Variants in MAF observed in about 807,000 individuals in gnomAD.
MAF encodes the protein MAF bZIP transcription factor, also known as transcription factor Maf.
MAF carries 10 observed loss-of-function variants against 22.0 expected under a neutral mutation model. The observed-to-expected ratio is 0.45, with a 90% confidence interval of 0.28 to 0.77. The LOEUF is 0.77. Ranked by LOEUF, MAF falls within the 30% of genes least tolerant of loss-of-function variation. The pLI, the probability that MAF is intolerant of heterozygous loss-of-function variation, is 0.12. For missense variants in MAF, 544 were observed against 548.4 expected, an observed-to-expected ratio of 0.99 and a Z score of 0.08; for synonymous variants, 337 against 255.8, an observed-to-expected ratio of 1.32 and a Z score of -3.03.
chr16:79,498,378 A>T, the MAF span, among the ~76,000 whole-genome samples: 4 of 152,334 alleles, frequency 2.6e-5, no homozygotes, highest in African/African-American at 9.6e-5. Context: ...TTTAAATTTC[A>T]TATAATCTGT....
the MAF span, among the ~76,000 whole-genome samples, chr16:79,222,943 A>T: frequency 2.4e-4 from 36 of 152,342 alleles, no homozygotes; most frequent in Non-Finnish European, 4.6e-4. Context: ...CTCCACTGTC[A>T]ATATTAGACA....
chr16:79,525,993 TGACA>T, the MAF span, among the ~76,000 whole-genome samples: 1 of 152,222 alleles, frequency 6.6e-6, no homozygotes, highest in African/African-American at 2.4e-5. Context: ...ACCTTCTGTA[TGACA>T]GACAGTAAGT....
chr16:79,493,180 TTTTTTTG>T, the MAF span, among the ~76,000 whole-genome samples: 1 of 151,792 alleles, frequency 6.6e-6, no homozygotes, highest in Non-Finnish European at 1.5e-5. Flanking sequence ...TTTTTGTTTG[TTTTTTTG>T]TTTTTGTTTT....
the MAF span, among the ~76,000 whole-genome samples, chr16:79,542,724 G>C: frequency 6.6e-6 from 1 of 152,100 alleles, no homozygotes; most frequent in East Asian, 1.9e-4. Flanking sequence ...ACTGGGAGGG[G>C]TTAGCTTCCT....
chr16:79,594,067 T>G lies in MAF; in HGVS notation c.*393A>C. 4.2e-6 allele frequency: 1 copy of G among 236,266 alleles called. No individual in the cohort carries two copies. Among genetic ancestry groups the G allele is most frequent in the South Asian group, 1.2e-4 (1 of 8,232 alleles). 14.6% of individuals were successfully genotyped at this position (236,266 alleles called of 1,614,324 possible). A position where few individuals can be genotyped will look rare whatever the true frequency, so the allele number is the denominator to read the frequency against. Reference sequence around the variant, plus strand: ...TATCTGCCAGAGAAACAATGAAGCATGAAAAAGTACTATTTAGAATGTGCA... The same window carrying G: ...TATCTGCCAGAGAAACAATGAAGCAGGAAAAAGTACTATTTAGAATGTGCA... On this transcript the variant is annotated 3_prime_UTR_variant, in exon 2 of 2. Coordinates refer to ENST00000326043, the MANE Select transcript of MAF (RefSeq NM_005360.5).
the MAF span, among the ~76,000 whole-genome samples, chr16:79,215,934 G>C: frequency 4.9e-4 from 75 of 152,188 alleles, no homozygotes; most frequent in Admixed American, 4.3e-3. Context: ...ATTTCTCCCT[G>C]AACCCACTCA....
the MAF span, among the ~76,000 whole-genome samples, chr16:79,377,471 G>A: frequency 6.6e-6 from 1 of 152,180 alleles, no homozygotes; most frequent in Non-Finnish European, 1.5e-5. Flanking sequence ...CTCCCATTCT[G>A]TAGGTTGCCT....
chr16:79,262,582 A>C, the MAF span, among the ~76,000 whole-genome samples: 1 of 152,132 alleles, frequency 6.6e-6, no homozygotes, highest in African/African-American at 2.4e-5. Flanking sequence ...AGGTGTGACA[A>C]TGGCAATTTG....
At chr16:79,439,243 G>A in the MAF span, among the ~76,000 whole-genome samples, 4 of 151,556 alleles carry the variant, frequency 2.6e-5, no homozygotes, top group African/African-American at 9.7e-5. Flanking sequence ...ATCGTCCTAT[G>A]GGGTAGGTAC....
chr16:79,398,535 T>C, the MAF span, among the ~76,000 whole-genome samples: 2 of 152,100 alleles, frequency 1.3e-5, no homozygotes, highest in East Asian at 3.9e-4. Context: ...CCAGGACTCA[T>C]GGAACCAGGT....
At chr16:79,400,981 G>A in the MAF span, among the ~76,000 whole-genome samples, 1 of 152,210 alleles carries the variant, frequency 6.6e-6, no homozygotes, top group Non-Finnish European at 1.5e-5. Context: ...ACATACACAG[G>A]CGTCCAGCCC....
chr16:79,399,244 G>A, the MAF span, among the ~76,000 whole-genome samples: 5,093 of 152,270 alleles, frequency 0.033, 183 homozygotes, highest in African/African-American at 0.089. Flanking sequence ...AATAAAGATA[G>A]CATTATGGGC....
chr16:79,346,989 G>T, the MAF span, among the ~76,000 whole-genome samples: 3,931 of 152,184 alleles, frequency 0.026, 62 homozygotes, highest in Non-Finnish European at 0.035. Flanking sequence ...GAATTATGAG[G>T]ACAGATACAC....
At chr16:79,597,284 G>A (rs758348436) in intron 1 of MAF, 522 of 1,045,000 alleles carry the variant, frequency 5.0e-4, no homozygotes, top group Non-Finnish European at 5.7e-4. Context: ...TGGGCTAACA[G>A]ATTATAAAAA....
At chr16:79,223,861 G>T in the MAF span, among the ~76,000 whole-genome samples, 1 of 152,104 alleles carries the variant, frequency 6.6e-6, no homozygotes, top group Non-Finnish European at 1.5e-5. Context: ...AATTGAGGGA[G>T]TAATTAATAG....
chr16:79,537,958 C>G, the MAF span, among the ~76,000 whole-genome samples: 1 of 152,146 alleles, frequency 6.6e-6, no homozygotes, highest in Non-Finnish European at 1.5e-5. Context: ...AACTGAATCT[C>G]AAGTGGATAA....
chr16:79,599,576 G>T lies in MAF; in HGVS notation c.327C>A (p.Ser109Arg). 7 of 1,602,388 alleles carry T rather than the reference G, an allele frequency of 4.4e-6. No individual in the cohort carries two copies. Among genetic ancestry groups the T allele is most frequent in the Non-Finnish European group, 6.0e-6 (7 of 1,175,364 alleles). The change falls in exon 1 of 2, where the codon AGC becomes AGA. Residue 109 changes from serine to arginine, a missense_variant. Ser to Arg is a moderately radical substitution (Grantham distance 110). This residue lies in a region of MAF where 342 missense variants were observed against 315.5 expected (regional missense o/e 1.08). Coordinates refer to ENST00000326043, the MANE Select transcript of MAF (RefSeq NM_005360.5). ...QQLNPEALGF[S>R]PEDAVEALIS... ...TGAGCGCCTCGACCGCGTCCTCGGG[G>T]CTGAAGCCCAGCGCCTCGGGGTTCA...
chr16:79,399,172 A>G, the MAF span, among the ~76,000 whole-genome samples: 1 of 152,194 alleles, frequency 6.6e-6, no homozygotes, highest in African/African-American at 2.4e-5. Flanking sequence ...TTGAGTAATT[A>G]TAGGAAACTT....
the MAF span, among the ~76,000 whole-genome samples, chr16:79,375,592 G>T: frequency 6.6e-6 from 1 of 152,092 alleles, no homozygotes; most frequent in African/African-American, 2.4e-5. Flanking sequence ...ATATATTAAT[G>T]ATGATGGTAA....
Sources: allele counts gnomAD v4.1 joint callset (sites outside exome capture counted in the v4.1 genomes callset), GRCh38; gene constraint gnomAD v4.1.1; regional missense constraint gnomAD v4.1.1; transcripts MANE v1.5; gene names NCBI Gene and HGNC (gene_info 2026-07-23, HGNC 2026-07-21).